Variants in BCL7A observed in about 807,000 individuals in gnomAD.
The protein encoded by BCL7A is B-cell CLL/lymphoma 7 protein family member A.
A neutral mutation model predicts 28.4 loss-of-function variants in BCL7A; 11 were observed. The observed-to-expected ratio is 0.39, with a 90% CI of 0.24 to 0.64. The LOEUF (loss-of-function observed/expected upper bound fraction) is 0.64, where lower values mean the gene tolerates loss of function less well. Among genes scored for constraint, BCL7A ranks in the 30% least tolerant of loss-of-function variants. The probability of loss-of-function intolerance (pLI) is 0.50; values close to 1 mark genes in which losing one functional copy is unlikely to be tolerated. For synonymous variants in BCL7A, 123 were observed against 103.3 expected, an observed-to-expected ratio of 1.19 and a Z score of -1.15; for missense variants, 222 against 274.8, an observed-to-expected ratio of 0.81 and a Z score of 1.36.
rs1206324021 is a variant in BCL7A, at chr12:122,059,773, G to A, written c.*610G>A. 4 of 231,816 alleles carry A rather than the reference G, an allele frequency of 1.7e-5. No homozygotes were observed. The highest frequency in any genetic ancestry group is 3.4e-5 in the Non-Finnish European group (4 of 117,316). The allele number at this position is 231,816 out of a possible 1,614,324, so 14.4% of individuals were successfully genotyped here. ...TCCTTAGCCCACCTGGTTTGCAGGTGCAGGGGGACCTTAGGCACGCCCCAA... is the reference window on the plus strand; with the variant it reads ...TCCTTAGCCCACCTGGTTTGCAGGTACAGGGGGACCTTAGGCACGCCCCAA... On this transcript the variant is annotated 3_prime_UTR_variant, in exon 6 of 6. Transcript: ENST00000261822. The surrounding 1 kb of genome is among the most constrained non-coding windows in gnomAD (Gnocchi z 4.0).
chr12:122,047,189 A>C (rs1280025946), intron 4 of BCL7A, among the ~76,000 whole-genome samples: 1 of 151,840 alleles, frequency 6.6e-6, no homozygotes, highest in Non-Finnish European at 1.5e-5. Flanking sequence ...GGTGTGAACC[A>C]CCACGCCTGG....
intron 2 of BCL7A, among the ~76,000 whole-genome samples, chr12:122,033,458 C>T (rs1015817155): frequency 2.6e-5 from 4 of 152,180 alleles, no homozygotes; most frequent in African/African-American, 9.7e-5. Context: ...GGACTACAGG[C>T]GCGCGCCACC....
In BCL7A at chr12:122,059,562, C is replaced by A; in HGVS notation, c.*399C>A. On this transcript the variant is annotated 3_prime_UTR_variant, in exon 6 of 6. Coordinates refer to ENST00000261822, the MANE Select transcript of BCL7A (RefSeq NM_001024808.3). This position sits in a 1 kb window ranked among gnomAD's most constrained non-coding sequence, Gnocchi z 4.0. ...GGGGCTTTCCACTGTTCAACCGATT[C>A]CTTCCGCTTTCTTTTTTTGTGCCTT... is the stretch of plus-strand genomic sequence containing the variant. 1 of 241,286 alleles carries A rather than the reference C, an allele frequency of 4.1e-6. No individual in the cohort carries two copies. Among genetic ancestry groups the A allele is most frequent in the Non-Finnish European group, 8.1e-6 (1 of 123,130 alleles). 14.9% of individuals were successfully genotyped at this position (241,286 alleles called of 1,614,324 possible). A position where few individuals can be genotyped will look rare whatever the true frequency, so the allele number is the denominator to read the frequency against.
At chr12:122,048,195 G>A (rs534435311) in intron 4 of BCL7A, among the ~76,000 whole-genome samples, 12 of 150,430 alleles carry the variant, frequency 8.0e-5, no homozygotes, top group South Asian at 2.1e-4. Context: ...GAGCCACTGC[G>A]CCTAGGCTGA....
intron 4 of BCL7A, chr12:122,044,276 A>G: frequency 1.9e-6 from 1 of 520,636 alleles, no homozygotes; most frequent in South Asian, 2.8e-5. Flanking sequence ...TAGGAGGCCA[A>G]GGTGTGAGGA....
intron 1 of BCL7A, among the ~76,000 whole-genome samples, chr12:122,022,878 C>T (rs12824404): frequency 1.3e-5 from 2 of 151,944 alleles, no homozygotes; most frequent in Middle Eastern, 3.4e-3. Flanking sequence ...CGCCCACGTC[C>T]CACCCCGCTC....
intron 4 of BCL7A, among the ~76,000 whole-genome samples, chr12:122,045,689 T>C (rs1688742319): frequency 6.6e-6 from 1 of 152,114 alleles, no homozygotes. Flanking sequence ...AATTGTTGGC[T>C]TTTGGGTTTC....
At chr12:122,023,145 C>T (rs1565932988) in intron 1 of BCL7A, among the ~76,000 whole-genome samples, 2 of 152,342 alleles carry the variant, frequency 1.3e-5, no homozygotes, top group South Asian at 2.1e-4. Flanking sequence ...TCGTCGGGGT[C>T]TGCTCGGAAT....
intron 4 of BCL7A, among the ~76,000 whole-genome samples, chr12:122,053,733 C>T (rs908151525): frequency 2.3e-5 from 2 of 87,344 alleles, no homozygotes; most frequent in Non-Finnish European, 4.2e-5. Context: ...CTAAAGAAAA[C>T]TTGGGGTGGA....
At position 122,040,547 on chromosome 12, in the gene BCL7A, A is replaced by C. The variant is rs543918868; in HGVS notation, c.272-3339A>C. Among the ~76,000 whole-genome samples the C allele has an allele frequency of 1.5e-4, 22 of 151,704 alleles. No homozygotes were observed. The East Asian group carries it at 4.0e-3, about 28-fold the overall frequency. ...GCCGTGTCTCCAAAAAAAAAAAAAA[A>C]AAACCAAAAGATCCAGATTTGTGAC... On this transcript the variant is annotated intron_variant, in intron 3 of 5. Coordinates refer to ENST00000261822, the MANE Select transcript of BCL7A (RefSeq NM_001024808.3).
At chr12:122,043,609 C>G (rs1430276693) in intron 3 of BCL7A, among the ~76,000 whole-genome samples, 1 of 151,836 alleles carries the variant, frequency 6.6e-6, no homozygotes, top group East Asian at 1.9e-4. Flanking sequence ...CCCATCTCTA[C>G]TAAAAATACA....
chr12:122,021,932 GT>G lies in BCL7A; in HGVS notation c.-159del. On this transcript the variant is annotated 5_prime_UTR_variant, in exon 1 of 6. The change abolishes the stop of an existing upstream ORF in the 5' untranslated region. Coordinates refer to ENST00000261822, the MANE Select transcript of BCL7A (RefSeq NM_001024808.3). Reference sequence around the variant, plus strand: ...CCCCGGGCTTTGTGTGTGTGTGTATGTGTGTGTGTGTGTGTGTGTGTGTGTG... The same window carrying G: ...CCCCGGGCTTTGTGTGTGTGTGTATGGTGTGTGTGTGTGTGTGTGTGTGTG... 1 of 433,696 alleles carries G rather than the reference GT, an allele frequency of 2.3e-6. No homozygotes were observed. The highest frequency in any genetic ancestry group is 3.8e-5 in the Admixed American group (1 of 26,396). The allele number at this position is 433,696 out of a possible 1,614,324, so 26.9% of individuals were successfully genotyped here. A position where few individuals can be genotyped will look rare whatever the true frequency, so the allele number is the denominator to read the frequency against.
chr12:122,039,140 C>CA (rs35271558), intron 3 of BCL7A, among the ~76,000 whole-genome samples: 18 of 151,368 alleles, frequency 1.2e-4, no homozygotes, highest in East Asian at 7.8e-4. Context: ...ACTAAAAATA[C>CA]AAAAAAATTA....
chr12:122,039,310 TAAA>T (rs1008816846), intron 3 of BCL7A, among the ~76,000 whole-genome samples: 3 of 142,280 alleles, frequency 2.1e-5, no homozygotes, highest in Admixed American at 7.2e-5. Flanking sequence ...AAAAATAGAT[TAAA>T]AAAAAAAATA....
chr12:122,033,746 C>T (rs759724088), intron 2 of BCL7A, among the ~76,000 whole-genome samples: 3 of 152,306 alleles, frequency 2.0e-5, no homozygotes, highest in Non-Finnish European at 4.4e-5. Context: ...CGTGAGCCAC[C>T]ATGCCTGGCC....
intron 2 of BCL7A, 84 bp downstream of exon 2, chr12:122,030,865 C>A: frequency 7.2e-7 from 1 of 1,391,920 alleles, no homozygotes; most frequent in Non-Finnish European, 1.0e-6. Flanking sequence ...CCACTGCTAC[C>A]CACCGTGCTG....
Position 122,043,637 on chromosome 12 carries a change from T to C in BCL7A, c.272-249T>C, listed in dbSNP as rs544795396. Among the ~76,000 whole-genome samples, 137 of 150,386 alleles carry C rather than the reference T, an allele frequency of 9.1e-4. 1 individual carries two copies. Among genetic ancestry groups the C allele is most frequent in the Admixed American group, 2.5e-3 (37 of 15,010 alleles). ...AAAATACAAAATTAGCCAGGCGTGG[T>C]GGCAAGTACCTGTAATCCCAGCTAC... On this transcript the variant is annotated intron_variant, in intron 3 of 5. Coordinates refer to ENST00000261822, the MANE Select transcript of BCL7A (RefSeq NM_001024808.3).
Position 122,021,957 on chromosome 12 carries a change from T to TGTGTGTGTGTGA in BCL7A, c.-134_-133insTGTGTGTGTGAG, listed in dbSNP as rs776212842. On this transcript the variant is annotated 5_prime_UTR_variant, in exon 1 of 6. It removes the in-frame stop codon of an upstream open reading frame in the 5' UTR. Coordinates refer to ENST00000261822, the MANE Select transcript of BCL7A (RefSeq NM_001024808.3). Reference sequence around the variant, plus strand: ...GTGTGTGTGTGTGTGTGTGTGTGTGTGAGTGTGTGCGTGTGAGAGTGCGAG... The same window carrying TGTGTGTGTGTGA: ...GTGTGTGTGTGTGTGTGTGTGTGTGTGTGTGTGTGTGAGAGTGTGTGCGTGTGAGAGTGCGAG... 1.8e-4 allele frequency: 106 copies of TGTGTGTGTGTGA among 584,048 alleles called. 4 individuals are homozygous for TGTGTGTGTGTGA. Among genetic ancestry groups the TGTGTGTGTGTGA allele is most frequent in the Admixed American group, 2.6e-4 (10 of 37,944 alleles). 36.2% of individuals were successfully genotyped at this position (584,048 alleles called of 1,614,324 possible).
chr12:122,025,158 G>A (rs1467383992), intron 1 of BCL7A, among the ~76,000 whole-genome samples: 2 of 152,272 alleles, frequency 1.3e-5, no homozygotes, highest in South Asian at 4.1e-4. Context: ...TGGTGGAGGA[G>A]AGAAGACCCC....
Sources: allele counts gnomAD v4.1 joint callset (sites outside exome capture counted in the v4.1 genomes callset), GRCh38; gene constraint gnomAD v4.1.1; non-coding constraint Gnocchi (gnomAD v3.1); transcripts MANE v1.5; gene names NCBI Gene and HGNC (gene_info 2026-07-23, HGNC 2026-07-21).